Variants in PIK3C2G observed in about 807,000 individuals in gnomAD.
PIK3C2G encodes the protein phosphatidylinositol-4-phosphate 3-kinase catalytic subunit type 2 gamma, also known as phosphatidylinositol 3-kinase C2 domain-containing subunit gamma.
In PIK3C2G, 168 loss-of-function variants were observed where a neutral mutation model predicts 181.1. The observed-to-expected ratio is 0.93, with a 90% CI of 0.82 to 1.05. The LOEUF (loss-of-function observed/expected upper bound fraction) is 1.05, where lower values mean the gene tolerates loss of function less well. Among genes scored for constraint, PIK3C2G ranks in the 50% least tolerant of loss-of-function variants. The probability of loss-of-function intolerance (pLI) is 0.00; values close to 1 mark genes in which losing one functional copy is unlikely to be tolerated. For missense variants in PIK3C2G, 1,869 were observed against 1,732.8 expected (o/e 1.08, Z -1.40); for synonymous variants, 573 against 592.2 (o/e 0.97, Z 0.47).
intron 18 of PIK3C2G, among the ~76,000 whole-genome samples, chr12:18,482,862 C>G (rs1939691316): frequency 6.6e-6 from 1 of 152,120 alleles, no homozygotes; most frequent in East Asian, 1.9e-4. Context: ...CTCAAACACC[C>G]CCACCTGCAA....
chr12:18,523,686 G>A (rs183080527), intron 24 of PIK3C2G, among the ~76,000 whole-genome samples: 1 of 152,290 alleles, frequency 6.6e-6, no homozygotes, highest in Admixed American at 6.5e-5. Flanking sequence ...AAATTAGTTG[G>A]ATCACCTCTT....
chr12:18,420,960 C>A lies in PIK3C2G; in HGVS notation c.2335C>A (p.Arg779Ser). ...LTSSFPDQEI[R>S]KVAVQQLDNL... Reference sequence around the variant, plus strand: ...TATTAGTTTTCCAGATCAAGAAATTCGTAAAGTGGCAGTTCAACAATTAGA... The same window carrying A: ...TATTAGTTTTCCAGATCAAGAAATTAGTAAAGTGGCAGTTCAACAATTAGA... Residue 779 changes from arginine (R) to serine (S), a missense_variant, in exon 17 of 33, where the codon CGT (arginine) becomes AGT (serine). Arg to Ser is a moderately radical substitution (Grantham distance 110, BLOSUM62 -1). Coordinates refer to ENST00000538779, the MANE Select transcript of PIK3C2G (RefSeq NM_001288772.2). The A allele has an allele frequency of 6.3e-7, 1 of 1,594,174 alleles. No homozygotes were observed. Among genetic ancestry groups the A allele is most frequent in the Non-Finnish European group, 8.6e-7 (1 of 1,162,882 alleles).
intron 1 of PIK3C2G, among the ~76,000 whole-genome samples, chr12:18,275,374 T>C (rs948127684): frequency 1.3e-5 from 2 of 152,102 alleles, no homozygotes; most frequent in African/African-American, 4.8e-5. Context: ...ATCTTTTTTA[T>C]CCTCTTAATT....
intron 31 of PIK3C2G, among the ~76,000 whole-genome samples, chr12:18,613,782 C>T (rs1948461663): frequency 6.6e-6 from 1 of 151,962 alleles, no homozygotes; most frequent in South Asian, 2.1e-4. Context: ...AAAAAATAAC[C>T]CAAGTGGCTA....
chr12:18,325,192 A>ATTTTTT (rs1951284514), intron 8 of PIK3C2G, 94 bp downstream of exon 8: 3 of 613,470 alleles, frequency 4.9e-6, no homozygotes, highest in Admixed American at 6.4e-5. Context: ...AAGATGACAA[A>ATTTTTT]AATGAATAAA....
intron 1 of PIK3C2G, among the ~76,000 whole-genome samples, chr12:18,255,426 G>A (rs11043981): frequency 2.6e-5 from 4 of 151,960 alleles, no homozygotes; most frequent in South Asian, 2.1e-4. Flanking sequence ...AAATGCAGCC[G>A]TGTAAACAAG....
chr12:18,588,209 A>G (rs543614920), intron 29 of PIK3C2G, among the ~76,000 whole-genome samples: 1 of 152,278 alleles, frequency 6.6e-6, no homozygotes, highest in South Asian at 2.1e-4. Flanking sequence ...TTCATGATGA[A>G]GACACCAAAA....
chr12:18,291,262 T>C (rs1949681169), intron 4 of PIK3C2G, among the ~76,000 whole-genome samples: 1 of 152,204 alleles, frequency 6.6e-6, no homozygotes, highest in Non-Finnish European at 1.5e-5. Context: ...AAATGCTTAA[T>C]AGCAAGTATA....
chr12:18,425,930 A>G (rs1033643545), intron 18 of PIK3C2G, among the ~76,000 whole-genome samples: 2 of 152,230 alleles, frequency 1.3e-5, no homozygotes, highest in African/African-American at 4.8e-5. Flanking sequence ...ACAGAGAACT[A>G]ATTGGATAAA....
the PIK3C2G span, among the ~76,000 whole-genome samples, chr12:18,665,654 G>A: frequency 3.3e-5 from 5 of 151,978 alleles, no homozygotes; most frequent in African/African-American, 1.2e-4. Context: ...TTAGCCTGGC[G>A]GTCTGGACGC....
At chr12:18,532,619 T>A (rs1450867078) in intron 24 of PIK3C2G, among the ~76,000 whole-genome samples, 1 of 152,158 alleles carries the variant, frequency 6.6e-6, no homozygotes, top group African/African-American at 2.4e-5. Flanking sequence ...ACAAAATCAG[T>A]TGGGCATGTA....
intron 2 of PIK3C2G, among the ~76,000 whole-genome samples, chr12:18,285,084 C>T (rs1217822497): frequency 6.6e-6 from 1 of 151,906 alleles, no homozygotes; most frequent in Non-Finnish European, 1.5e-5. Context: ...TATACTCAAA[C>T]ATCTGAAAAT....
intron 6 of PIK3C2G, among the ~76,000 whole-genome samples, chr12:18,319,883 T>TA (rs1411765905): frequency 1.1e-4 from 17 of 152,186 alleles, no homozygotes; most frequent in Admixed American, 4.6e-4. Context: ...ACTCTATATG[T>TA]AAATTTCTAG....
intron 13 of PIK3C2G, among the ~76,000 whole-genome samples, chr12:18,375,522 G>T (rs1942374197): frequency 6.6e-6 from 1 of 152,192 alleles, no homozygotes; most frequent in Non-Finnish European, 1.5e-5. Flanking sequence ...GGGAAGCAGA[G>T]TGTAAAAGTT....
At chr12:18,423,059 A>G (rs1945578202) in intron 17 of PIK3C2G, among the ~76,000 whole-genome samples, 1 of 151,404 alleles carries the variant, frequency 6.6e-6, no homozygotes, top group African/African-American at 2.4e-5. Flanking sequence ...TGTATGTATG[A>G]CTGGATATTG....
chr12:18,417,295 C>T (rs1450821355), intron 16 of PIK3C2G, among the ~76,000 whole-genome samples: 3 of 152,038 alleles, frequency 2.0e-5, no homozygotes, highest in Non-Finnish European at 4.4e-5. Context: ...GAAGATGCTG[C>T]GAACATTGTT....
chr12:18,501,556 G>A (rs1374185088), intron 22 of PIK3C2G, among the ~76,000 whole-genome samples: 1 of 152,064 alleles, frequency 6.6e-6, no homozygotes, highest in Admixed American at 6.6e-5. Context: ...GAGAAATATT[G>A]CATTAAAGGA....
chr12:18,309,617 T>C (rs1035114312), intron 5 of PIK3C2G, among the ~76,000 whole-genome samples: 1 of 151,870 alleles, frequency 6.6e-6, no homozygotes, highest in Non-Finnish European at 1.5e-5. Flanking sequence ...TATATTATAG[T>C]ATGCAGAAGT....
At chr12:18,613,289 T>G (rs75482814) in intron 31 of PIK3C2G, among the ~76,000 whole-genome samples, 3 of 152,026 alleles carry the variant, frequency 2.0e-5, no homozygotes, top group African/African-American at 7.2e-5. Flanking sequence ...TCTTCTGATA[T>G]TGAATCTACC....
Sources: gnomAD v4.1 joint callset for allele counts (sites outside exome capture counted in the v4.1 genomes callset) on GRCh38, gnomAD v4.1.1 for gene constraint, MANE v1.5 for transcripts, NCBI Gene and HGNC (gene_info 2026-07-23, HGNC 2026-07-21) for gene names.